Variants in NBPF3 observed in about 807,000 individuals in gnomAD.
NBPF3 encodes the protein NBPF member 3, also known as NBPF family member NBPF3.
Under a neutral mutation model 78.1 loss-of-function variants are expected in NBPF3, and 57 were observed. The observed-to-expected ratio is 0.73, with a 90% confidence interval of 0.59 to 0.91. NBPF3 has a LOEUF of 0.91. Among genes scored for constraint, NBPF3 ranks in the 40% least tolerant of loss-of-function variants. NBPF3 has a pLI of 0.00. For synonymous variants in NBPF3, 182 were observed against 271.7 expected (o/e 0.67, Z 3.25); for missense variants, 510 against 715.3 (o/e 0.71, Z 3.27).
chr1:21,436,881 G>A, upstream of NBPF3: 1 of 538,710 alleles, frequency 1.9e-6, no homozygotes, highest in South Asian at 6.4e-5. The surrounding 1 kb of genome is among the most constrained non-coding windows in gnomAD (Gnocchi z 4.3). Context: ...TCCGGGTGGG[G>A]GCGGGGACGG....
chr1:21,445,113 C>A lies in NBPF3; in HGVS notation c.27C>A (p.Gly9=). The A allele has an allele frequency of 6.2e-7, 1 of 1,611,898 alleles. No individual in the cohort carries two copies. Among genetic ancestry groups the A allele is most frequent in the Non-Finnish European group, 8.5e-7 (1 of 1,179,794 alleles). Residue 9 remains glycine (G), a synonymous_variant, in exon 2 of 15, where the codon GGC becomes GGA. Transcript: ENST00000318249. Reference sequence around the variant, plus strand: ...TGCCACTGACTCCCACTGTCCAGGGCTTCCAGTGGACTCTCCGAGGCCCTG... The same window carrying A: ...TGCCACTGACTCCCACTGTCCAGGGATTCCAGTGGACTCTCCGAGGCCCTG... MPLTPTVQ[G]FQWTLRGPDV...
intron 2 of NBPF3, among the ~76,000 whole-genome samples, chr1:21,466,500 A>G (rs865947326): frequency 6.7e-6 from 1 of 150,100 alleles, no homozygotes; most frequent in South Asian, 2.1e-4. Flanking sequence ...TAGAAGAGTG[A>G]ATTAAACACA....
chr1:21,483,108 C>G (rs1643311314), intron 14 of NBPF3, 35 bp from the exon 15 acceptor site: 6 of 1,612,080 alleles, frequency 3.7e-6, no homozygotes, highest in Non-Finnish European at 5.1e-6. Flanking sequence ...TCTGATTTTC[C>G]CTGGCTGCTT....
Position 21,478,208 on chromosome 1 carries a change from C to G in NBPF3, c.1057C>G (p.Leu353Val). 6.2e-7 allele frequency: 1 copy of G among 1,614,200 alleles called. No individual in the cohort carries two copies. The highest frequency in any genetic ancestry group is 1.3e-5 in the African/African-American group (1 of 75,058). Reference protein sequence around the residue: ...QESWDEGDWTLSIPPDMSASY... With the variant: ...QESWDEGDWTVSIPPDMSASY... Reference sequence around the variant, plus strand: ...GTCCTGGGATGAAGGTGATTGGACTCTCTCAATTCCTCCTGACATGTCTGC... The same window carrying G: ...GTCCTGGGATGAAGGTGATTGGACTGTCTCAATTCCTCCTGACATGTCTGC... The change falls in exon 9 of 15, where the codon CTC (leucine) becomes GTC (valine). Residue 353 changes from leucine (L) to valine (V), a missense_variant. Around this residue, in one of 5 missense-constraint regions of NBPF3, gnomAD observed 440 missense variants for 478.2 expected, o/e 0.92. Coordinates refer to ENST00000318249, the MANE Select transcript of NBPF3 (RefSeq NM_032264.6).
intron 2 of NBPF3, among the ~76,000 whole-genome samples, chr1:21,454,547 CA>C (rs943823338): frequency 8.5e-5 from 13 of 152,224 alleles, no homozygotes; most frequent in African/African-American, 3.1e-4. Flanking sequence ...ACAGTGACCC[CA>C]AATTCAGGGT....
At chr1:21,446,103 G>A (rs1640955302) in intron 2 of NBPF3, 1 of 152,394 alleles carries the variant, frequency 6.6e-6, no homozygotes, top group African/African-American at 2.4e-5. Flanking sequence ...GATGACATCA[G>A]ACCCAGGGGC....
intron 1 of NBPF3, among the ~76,000 whole-genome samples, chr1:21,440,554 G>C (rs1293920810): frequency 1.3e-5 from 2 of 152,194 alleles, no homozygotes; most frequent in African/African-American, 4.8e-5. Flanking sequence ...CCCAGCTCTC[G>C]TGGGCGCTGG....
intron 3 of NBPF3, among the ~76,000 whole-genome samples, chr1:21,469,449 G>A (rs961170489): frequency 2.4e-4 from 36 of 152,268 alleles, no homozygotes; most frequent in African/African-American, 8.4e-4. Flanking sequence ...AGTAGGGGCC[G>A]TGCACGGTGG....
intron 4 of NBPF3, among the ~76,000 whole-genome samples, chr1:21,471,215 C>T (rs1220795047): frequency 1.3e-5 from 2 of 152,170 alleles, no homozygotes; most frequent in Admixed American, 6.5e-5. Flanking sequence ...TATCTAGTCG[C>T]TGCAAGATGC....
intron 1 of NBPF3, 25 bp from the exon 2 acceptor site, chr1:21,444,923 T>A: frequency 1.4e-6 from 1 of 698,698 alleles, no homozygotes; most frequent in Non-Finnish European, 2.3e-6. Flanking sequence ...AATGTTAACC[T>A]TGATTTCTCT....
At chr1:21,454,063 C>T (rs748481523) in intron 2 of NBPF3, 26 of 152,212 alleles carry the variant, frequency 1.7e-4, no homozygotes, top group Non-Finnish European at 2.5e-4. Flanking sequence ...GGAGGCCTAA[C>T]GAATCAGCAG....
At chr1:21,436,882 G>GCGGGGACGGGTC (rs1640437135), upstream of NBPF3, 1 of 537,826 alleles carries the variant, frequency 1.9e-6, no homozygotes, top group African/African-American at 2.0e-5. The surrounding 1 kb of genome is among the most constrained non-coding windows in gnomAD (Gnocchi z 4.3). Context: ...CCGGGTGGGG[G>GCGGGGACGGGTC]CGGGGACGGG....
rs1200598322 is a variant in NBPF3, at chr1:21,470,002, CT to C, written c.344-626del. 2.6e-5 allele frequency among the ~76,000 whole-genome samples: 3 copies of C among 114,446 alleles called. No homozygotes were observed. The Admixed American group carries it at 3.0e-4, about 12-fold the overall frequency. 75.1% of individuals were successfully genotyped at this position (114,446 alleles called of 152,430 possible). On this transcript the variant is annotated intron_variant, in intron 3 of 14. Transcript: ENST00000318249. ...GCTGTTTCTTGTCAATCTCCTAGAA[CT>C]TTTATTGGCACAGAGTTAACACTCT...
At chr1:21,466,275 A>G (rs1642259573) in intron 2 of NBPF3, 1 of 188,744 alleles carries the variant, frequency 5.3e-6, no homozygotes, top group Non-Finnish European at 9.8e-6. Flanking sequence ...CTAATAACAC[A>G]CTTGGCCTTA....
chr1:21,465,004 C>CAAAAAAAAAA (rs10531760), intron 2 of NBPF3, among the ~76,000 whole-genome samples: 1 of 99,278 alleles, frequency 1.0e-5, no homozygotes, highest in African/African-American at 4.2e-5. Context: ...GACCCTGTCT[C>CAAAAAAAAAA]AAAAAAAAAA....
chr1:21,437,469 A>C, upstream of NBPF3: 3 of 1,451,150 alleles, frequency 2.1e-6, no homozygotes, highest in Non-Finnish European at 2.8e-6. Context: ...GGCACCATGC[A>C]GGTCCACGAG....
Position 21,473,365 on chromosome 1 carries a change from C to T in NBPF3, c.735-15C>T, listed in dbSNP as rs1227263335. 1.2e-6 allele frequency: 2 copies of T among 1,612,598 alleles called. No homozygotes were observed. Among genetic ancestry groups the T allele is most frequent in the Non-Finnish European group, 1.7e-6 (2 of 1,178,694 alleles). ...GTTTAGTCTTCTGTCATCTCTATCC[C>T]ACCTGGCTCATCAGGGAGGTGCAGA... On this transcript the variant is annotated splice_polypyrimidine_tract_variant and intron_variant, in intron 6 of 14. Coordinates refer to ENST00000318249, the MANE Select transcript of NBPF3 (RefSeq NM_032264.6).
At chr1:21,479,459 CG>C in intron 10 of NBPF3, 59 bp downstream of exon 10, 1 of 1,447,124 alleles carries the variant, frequency 6.9e-7, no homozygotes, top group Non-Finnish European at 9.6e-7. Context: ...ATGCCAAGTC[CG>C]GGGAAAGCAG....
chr1:21,451,876 C>T, intron 2 of NBPF3: 2 of 959,478 alleles, frequency 2.1e-6, no homozygotes, highest in Non-Finnish European at 2.5e-6. Context: ...GAAGCAGCCG[C>T]CAGTTGGGAT....
Sources: allele counts gnomAD v4.1 joint callset (sites outside exome capture counted in the v4.1 genomes callset), GRCh38; gene constraint gnomAD v4.1.1; regional missense constraint gnomAD v4.1.1; non-coding constraint Gnocchi (gnomAD v3.1); transcripts MANE v1.5; gene names NCBI Gene and HGNC (gene_info 2026-07-23, HGNC 2026-07-21).